Variants in MTHFD2L observed in about 807,000 individuals in gnomAD.
MTHFD2L encodes the protein bifunctional methylenetetrahydrofolate dehydrogenase/cyclohydrolase 2, mitochondrial.
MTHFD2L carries 29 observed loss-of-function variants against 34.9 expected under a neutral mutation model. The observed-to-expected ratio is 0.83, with a 90% CI of 0.62 to 1.13. MTHFD2L has a LOEUF of 1.13. Ranked by LOEUF, MTHFD2L falls within the 50% of genes most tolerant of loss-of-function variation. The probability of loss-of-function intolerance (pLI) is 0.00; values close to 1 mark genes in which losing one functional copy is unlikely to be tolerated. For synonymous variants in MTHFD2L, 167 were observed against 155.7 expected (o/e 1.07, Z -0.54); for missense variants, 481 against 446.5 (o/e 1.08, Z -0.70).
intron 7 of MTHFD2L, among the ~76,000 whole-genome samples, chr4:74,291,497 A>G (rs1028132730): frequency 7.9e-5 from 12 of 152,326 alleles, no homozygotes; most frequent in Admixed American, 4.6e-4. Flanking sequence ...CAACTATGTC[A>G]TTAATTCAAC....
At chr4:74,284,034 T>A (rs1443786364) in intron 7 of MTHFD2L, among the ~76,000 whole-genome samples, 2 of 152,146 alleles carry the variant, frequency 1.3e-5, no homozygotes, top group Non-Finnish European at 2.9e-5. Context: ...AAAGTTTCAC[T>A]ATAACTATAG....
intron 5 of MTHFD2L, among the ~76,000 whole-genome samples, chr4:74,220,801 A>G (rs1050637722): frequency 2.0e-5 from 3 of 151,274 alleles, no homozygotes; most frequent in Non-Finnish European, 4.4e-5. Flanking sequence ...AATTATCTCA[A>G]TGTTTCTTAT....
At chr4:74,149,933 C>T (rs1283237994) in intron 1 of MTHFD2L, among the ~76,000 whole-genome samples, 1 of 152,110 alleles carries the variant, frequency 6.6e-6, no homozygotes, top group Non-Finnish European at 1.5e-5. Flanking sequence ...TTGAATTAAC[C>T]TAGTGGGCTC....
intron 6 of MTHFD2L, among the ~76,000 whole-genome samples, chr4:74,276,348 T>C (rs1746645542): frequency 6.6e-6 from 1 of 152,174 alleles, no homozygotes; most frequent in South Asian, 2.1e-4. Flanking sequence ...ATGTTAATAT[T>C]ACAGCTTTTA....
intron 5 of MTHFD2L, among the ~76,000 whole-genome samples, chr4:74,213,336 C>G (rs1736668487): frequency 6.6e-6 from 1 of 152,098 alleles, no homozygotes; most frequent in Non-Finnish European, 1.5e-5. Context: ...TGGGTGATAT[C>G]AGTTTTTACT....
intron 1 of MTHFD2L, among the ~76,000 whole-genome samples, chr4:74,140,847 A>T (rs1237160115): frequency 2.0e-5 from 3 of 152,228 alleles, no homozygotes; most frequent in Admixed American, 6.5e-5. Context: ...TGAGAACAGG[A>T]TGGGGTAAAC....
intron 6 of MTHFD2L, among the ~76,000 whole-genome samples, chr4:74,259,139 C>T (rs1234573521): frequency 6.6e-6 from 1 of 152,126 alleles, no homozygotes. Flanking sequence ...CAGCTAAGAA[C>T]ACAAGGCTCT....
intron 3 of MTHFD2L, among the ~76,000 whole-genome samples, chr4:74,190,245 C>T (rs1732226839): frequency 6.6e-6 from 1 of 152,092 alleles, no homozygotes; most frequent in Non-Finnish European, 1.5e-5. Context: ...TTACCAAGGG[C>T]TCAATAAACC....
intron 5 of MTHFD2L, among the ~76,000 whole-genome samples, chr4:74,218,396 T>C (rs1481457990): frequency 1.3e-5 from 2 of 152,110 alleles, no homozygotes; most frequent in Non-Finnish European, 2.9e-5. Flanking sequence ...TCTGGTTTTT[T>C]AGCTTACTCA....
At chr4:74,185,497 A>G (rs1731045932) in intron 3 of MTHFD2L, among the ~76,000 whole-genome samples, 1 of 152,164 alleles carries the variant, frequency 6.6e-6, no homozygotes, top group African/African-American at 2.4e-5. Flanking sequence ...AATTAATGAA[A>G]TGTAAAATAG....
chr4:74,268,552 T>G (rs1578666578), intron 6 of MTHFD2L, among the ~76,000 whole-genome samples: 2 of 152,112 alleles, frequency 1.3e-5, no homozygotes, highest in Admixed American at 6.6e-5. Context: ...TGAATTGTTG[T>G]GAAGTTTAAT....
chr4:74,216,801 T>C (rs1173781667), intron 5 of MTHFD2L, among the ~76,000 whole-genome samples: 1 of 151,804 alleles, frequency 6.6e-6, no homozygotes, highest in East Asian at 1.9e-4. Context: ...GCCTATGATA[T>C]CACCACCTGG....
intron 6 of MTHFD2L, among the ~76,000 whole-genome samples, chr4:74,262,355 A>G (rs1220526822): frequency 6.6e-6 from 1 of 151,938 alleles, no homozygotes; most frequent in Non-Finnish European, 1.5e-5. Flanking sequence ...GATACACACA[A>G]ATATACAGAC....
intron 6 of MTHFD2L, chr4:74,241,764 A>C (rs1741755073): frequency 5.2e-6 from 1 of 190,508 alleles, no homozygotes. Flanking sequence ...AAAAAGAAGC[A>C]TGTATATCCA....
intron 5 of MTHFD2L, among the ~76,000 whole-genome samples, chr4:74,217,439 C>T (rs1253389489): frequency 6.6e-6 from 1 of 151,864 alleles, no homozygotes; most frequent in South Asian, 2.1e-4. Flanking sequence ...AAAGAGATCT[C>T]AGGCTTCTTT....
At chr4:74,164,678 G>A (rs569923875) in intron 1 of MTHFD2L, among the ~76,000 whole-genome samples, 17 of 152,328 alleles carry the variant, frequency 1.1e-4, no homozygotes, top group Non-Finnish European at 1.9e-4. Context: ...ATTGCATGCC[G>A]TTGAGAGAAG....
At chr4:74,134,632 C>T (rs1427776680) in intron 1 of MTHFD2L, among the ~76,000 whole-genome samples, 2 of 152,112 alleles carry the variant, frequency 1.3e-5, no homozygotes, top group South Asian at 2.1e-4. Context: ...AAAGTTCCAG[C>T]GACTGACCCT....
intron 7 of MTHFD2L, among the ~76,000 whole-genome samples, chr4:74,288,046 C>G (rs1266264790): frequency 1.3e-5 from 2 of 152,186 alleles, no homozygotes; most frequent in African/African-American, 4.8e-5. Context: ...TGTCTTACCT[C>G]TGTATGTGTC....
intron 6 of MTHFD2L, among the ~76,000 whole-genome samples, chr4:74,261,185 G>A (rs1346177447): frequency 6.6e-6 from 1 of 151,990 alleles, no homozygotes; most frequent in Admixed American, 6.6e-5. Context: ...ACTTCTAAGA[G>A]GAGACGAGGT....
Sources: gnomAD v4.1 joint callset for allele counts (sites outside exome capture counted in the v4.1 genomes callset) on GRCh38, gnomAD v4.1.1 for gene constraint, MANE v1.5 for transcripts, NCBI Gene and HGNC (gene_info 2026-07-23, HGNC 2026-07-21) for gene names.